The following TFDP2 variants were observed in gnomAD, a reference collection of about 807,000 sequenced individuals.
TFDP2 encodes the protein transcription factor Dp-2, also known as transcription factor Dp-2 (E2F dimerization partner 2).
Under a neutral mutation model 59.3 loss-of-function variants are expected in TFDP2, and 17 were observed. That is an observed-to-expected ratio of 0.29 (90% CI 0.20 to 0.43). The LOEUF is 0.43. Among genes scored for constraint, TFDP2 ranks in the 20% least tolerant of loss-of-function variants. The probability of loss-of-function intolerance (pLI) is 1.00; values close to 1 mark genes in which losing one functional copy is unlikely to be tolerated. For synonymous variants in TFDP2, 180 were observed against 194.7 expected, an observed-to-expected ratio of 0.92 and a Z score of 0.63; for missense variants, 391 against 528.8, an observed-to-expected ratio of 0.74 and a Z score of 2.56.
At chr3:141,987,581 CGTGTGT>C (rs113061424) in intron 6 of TFDP2, among the ~76,000 whole-genome samples, 1 of 118,514 alleles carries the variant, frequency 8.4e-6, no homozygotes, top group Non-Finnish European at 1.8e-5. Context: ...CTGCGCCTGG[CGTGTGT>C]GTGTGTGTGT....
At chr3:141,969,204 A>C (rs1232726163) in intron 9 of TFDP2, among the ~76,000 whole-genome samples, 1 of 82,854 alleles carries the variant, frequency 1.2e-5, no homozygotes, top group Non-Finnish European at 2.3e-5. Context: ...ATATATATAT[A>C]ACATATATAT....
chr3:141,989,746 G>T (rs1942537862), intron 6 of TFDP2, among the ~76,000 whole-genome samples: 1 of 152,062 alleles, frequency 6.6e-6, no homozygotes, highest in African/African-American at 2.4e-5. Context: ...TTCTGATGCT[G>T]ACTTCTTCCA....
At chr3:142,031,218 T>C (rs1946417178) in intron 3 of TFDP2, among the ~76,000 whole-genome samples, 1 of 152,138 alleles carries the variant, frequency 6.6e-6, no homozygotes, top group Admixed American at 6.5e-5. Context: ...TAAAATAAGG[T>C]GGGGCCAAAG....
At chr3:142,115,670 T>G (rs777336233) in intron 1 of TFDP2, among the ~76,000 whole-genome samples, 1 of 152,256 alleles carries the variant, frequency 6.6e-6, no homozygotes, top group Non-Finnish European at 1.5e-5. Flanking sequence ...ACACTTTTGT[T>G]GTTTTTAGTC....
chr3:142,053,009 C>T (rs1489010058), intron 3 of TFDP2, among the ~76,000 whole-genome samples: 2 of 151,996 alleles, frequency 1.3e-5, no homozygotes, highest in South Asian at 2.1e-4. Flanking sequence ...GGGGTTTCAC[C>T]GTGTTAGCCA....
At chr3:141,970,175 T>C (rs11569252) in intron 8 of TFDP2, 34 bp from the exon 9 acceptor site, 156,574 of 1,588,704 alleles carry the variant, frequency 0.099, 8,329 homozygotes, top group Non-Finnish European at 0.11. Context: ...AATATGAACA[T>C]AGGTAGACTA....
intron 3 of TFDP2, among the ~76,000 whole-genome samples, chr3:142,070,905 G>A (rs1220026799): frequency 6.6e-6 from 1 of 152,024 alleles, no homozygotes; most frequent in African/African-American, 2.4e-5. Flanking sequence ...AGGCTTACAG[G>A]CCAGTGGAAA....
intron 7 of TFDP2, among the ~76,000 whole-genome samples, chr3:141,976,518 G>A (rs1347066371): frequency 6.6e-6 from 1 of 152,178 alleles, no homozygotes; most frequent in Non-Finnish European, 1.5e-5. Flanking sequence ...CTTCATTGTG[G>A]TGACAGGTGA....
chr3:141,994,069 A>C (rs1317071024), intron 5 of TFDP2, among the ~76,000 whole-genome samples: 1 of 152,266 alleles, frequency 6.6e-6, no homozygotes, highest in African/African-American at 2.4e-5. Flanking sequence ...TAAGGATTGA[A>C]TAACACCCAT....
At chr3:141,982,006 T>G (rs1941534542) in intron 6 of TFDP2, among the ~76,000 whole-genome samples, 1 of 152,186 alleles carries the variant, frequency 6.6e-6, no homozygotes, top group Non-Finnish European at 1.5e-5. Context: ...TGAGTTGCAT[T>G]TTAAACCTCC....
intron 1 of TFDP2, among the ~76,000 whole-genome samples, chr3:142,130,371 T>C (rs567046387): frequency 7.9e-5 from 12 of 152,196 alleles, no homozygotes; most frequent in African/African-American, 2.4e-4. Flanking sequence ...TCCCCACATA[T>C]GAGGTACCCA....
chr3:141,977,749 C>T (rs1201587072), intron 7 of TFDP2, among the ~76,000 whole-genome samples: 4 of 151,790 alleles, frequency 2.6e-5, no homozygotes, highest in African/African-American at 9.7e-5. Flanking sequence ...CTCACTCTGT[C>T]GCCCAGGCTG....
At chr3:142,105,193 A>C (rs2061434207) in intron 1 of TFDP2, among the ~76,000 whole-genome samples, 1 of 152,166 alleles carries the variant, frequency 6.6e-6, no homozygotes, top group Non-Finnish European at 1.5e-5. Flanking sequence ...AAAAACTACT[A>C]AGTCTTTTCC....
intron 6 of TFDP2, among the ~76,000 whole-genome samples, chr3:141,981,421 T>A (rs562394663): frequency 1.2e-4 from 18 of 152,292 alleles, no homozygotes; most frequent in Admixed American, 1.3e-4. Context: ...TGTGGGACTG[T>A]GAATATATTT....
chr3:142,120,012 T>C (rs1194491052), intron 1 of TFDP2, among the ~76,000 whole-genome samples: 1 of 150,642 alleles, frequency 6.6e-6, no homozygotes, highest in Non-Finnish European at 1.5e-5. Flanking sequence ...ATTGCACCAT[T>C]GCACTCCAGC....
intron 3 of TFDP2, among the ~76,000 whole-genome samples, chr3:142,021,153 T>C (rs1374748865): frequency 6.6e-6 from 1 of 152,206 alleles, no homozygotes; most frequent in South Asian, 2.1e-4. Context: ...ACTTTTTAAC[T>C]GAATGACCTC....
chr3:142,092,921 G>C, intron 3 of TFDP2, 140 bp downstream of exon 3: 1 of 571,534 alleles, frequency 1.7e-6, no homozygotes, highest in East Asian at 3.1e-5. Context: ...CTTTCATACA[G>C]CACAAGTTAT....
At chr3:142,085,753 T>C (rs1201877035) in intron 3 of TFDP2, among the ~76,000 whole-genome samples, 1 of 152,182 alleles carries the variant, frequency 6.6e-6, no homozygotes, top group Non-Finnish European at 1.5e-5. Flanking sequence ...GAAGTATTGC[T>C]AATAACCTCA....
rs752156961 is a variant in TFDP2, at chr3:141,947,384, A to G, written c.*5129T>C. On this transcript the variant is annotated 3_prime_UTR_variant, in exon 13 of 13. Transcript: ENST00000489671. ...AGCCAACAACTTAGAAACACGTAAA[A>G]TAGTTCTCAATTTCTAATCATTTTT... The G allele has an allele frequency of 7.2e-5, 11 of 152,054 alleles. No individual in the cohort carries two copies. The highest frequency in any genetic ancestry group is 1.2e-4 in the Non-Finnish European group (8 of 68,022). 9.4% of individuals were successfully genotyped at this position (152,054 alleles called of 1,614,324 possible). A position where few individuals can be genotyped will look rare whatever the true frequency, so the allele number is the denominator to read the frequency against.
Sources: gnomAD v4.1 joint callset for allele counts (sites outside exome capture counted in the v4.1 genomes callset) on GRCh38, gnomAD v4.1.1 for gene constraint, MANE v1.5 for transcripts, NCBI Gene and HGNC (gene_info 2026-07-23, HGNC 2026-07-21) for gene names.